The following FUT8 variants were observed in gnomAD, a reference collection of about 807,000 sequenced individuals.
The protein encoded by FUT8 is fucosyltransferase 8.
A neutral mutation model predicts 71.3 loss-of-function variants in FUT8; 29 were observed. The observed-to-expected ratio is 0.41, with a 90% CI of 0.30 to 0.55. The LOEUF (loss-of-function observed/expected upper bound fraction) is 0.55. Among genes scored for constraint, FUT8 ranks in the 20% least tolerant of loss-of-function variants. The pLI is 0.34. For missense variants in FUT8, 544 were observed against 702.1 expected (o/e 0.77, Z 2.55); for synonymous variants, 254 against 239.3 (o/e 1.06, Z -0.57).
chr14:65,694,962 G>A (rs1893914816), intron 7 of FUT8, among the ~76,000 whole-genome samples: 3 of 151,904 alleles, frequency 2.0e-5, no homozygotes, highest in South Asian at 4.2e-4. Flanking sequence ...GTTAATGGGT[G>A]CAGCACACCA....
At chr14:65,383,264 T>TC in the FUT8 span, among the ~76,000 whole-genome samples, 1 of 123,328 alleles carries the variant, frequency 8.1e-6, no homozygotes, top group African/African-American at 3.0e-5. Flanking sequence ...CTTTTTCTTT[T>TC]CTTTTTTTTT....
intron 6 of FUT8, among the ~76,000 whole-genome samples, chr14:65,631,137 G>C (rs756580637): frequency 7.2e-5 from 11 of 152,156 alleles, no homozygotes; most frequent in Non-Finnish European, 1.6e-4. Flanking sequence ...CCTCCTGTAG[G>C]GAAGAGGTAA....
chr14:65,620,809 G>A (rs1889569740), intron 5 of FUT8, among the ~76,000 whole-genome samples: 1 of 152,196 alleles, frequency 6.6e-6, no homozygotes, highest in Non-Finnish European at 1.5e-5. Flanking sequence ...TCAACAAAAT[G>A]TTTTTGTATG....
chr14:65,657,344 A>C (rs917551460), intron 6 of FUT8, among the ~76,000 whole-genome samples: 1 of 152,230 alleles, frequency 6.6e-6, no homozygotes, highest in Non-Finnish European at 1.5e-5. Context: ...AAAGGAAATC[A>C]GTATATTGAA....
the FUT8 span, among the ~76,000 whole-genome samples, chr14:65,400,747 TG>T: frequency 4.0e-4 from 61 of 152,128 alleles, no homozygotes; most frequent in African/African-American, 1.4e-3. Flanking sequence ...TAGCCAGGCT[TG>T]GTGGTGTGCA....
chr14:65,414,551 T>C (rs1566732592), intron 1 of FUT8, among the ~76,000 whole-genome samples: 1 of 152,226 alleles, frequency 6.6e-6, no homozygotes, highest in Non-Finnish European at 1.5e-5. Context: ...GGTATGTGTA[T>C]AGAAAATCTT....
the FUT8 span, among the ~76,000 whole-genome samples, chr14:65,358,650 G>A: frequency 1.6e-4 from 24 of 152,104 alleles, no homozygotes; most frequent in African/African-American, 5.5e-4. Flanking sequence ...GGGTTTCTCC[G>A]TGTCGTCCAG....
rs1890672536 is a variant in FUT8 at position 65,638,425 on chromosome 14, G to A, written c.597+8819G>A. Among the ~76,000 whole-genome samples, 1 of 151,974 alleles carries A rather than the reference G, an allele frequency of 6.6e-6. No individual in the cohort carries two copies. Among genetic ancestry groups the A allele is most frequent in the Non-Finnish European group, 1.5e-5 (1 of 67,992 alleles). ...ATAGGACTTTTACTGGAAATTGGTA[G>A]ATTATTTTTCTTTTTTTTTTGAGAG... On this transcript the variant is annotated intron_variant, in intron 6 of 10. Coordinates refer to ENST00000673929, the MANE Select transcript of FUT8 (RefSeq NM_001371533.1). This position sits in a 1 kb window ranked among gnomAD's most constrained non-coding sequence, Gnocchi z 4.5.
intron 1 of FUT8, among the ~76,000 whole-genome samples, chr14:65,419,822 C>A (rs2065267668): frequency 6.6e-6 from 1 of 152,166 alleles, no homozygotes; most frequent in South Asian, 2.1e-4. Context: ...AACCGACCCC[C>A]TCAACAGCGT....
intron 3 of FUT8, among the ~76,000 whole-genome samples, chr14:65,612,201 T>C (rs1477905393): frequency 1.3e-5 from 2 of 152,354 alleles, no homozygotes; most frequent in Middle Eastern, 6.8e-3. Flanking sequence ...GAAGGTCTTG[T>C]ATAATTTACA....
At chr14:65,704,427 T>G (rs771405910) in intron 7 of FUT8, among the ~76,000 whole-genome samples, 14 of 152,198 alleles carry the variant, frequency 9.2e-5, no homozygotes, top group Admixed American at 5.2e-4. Flanking sequence ...CTTGCCTTCC[T>G]ACTGCTTTCT....
rs2139559730 is a variant in FUT8, at chr14:65,455,779, T to C, written c.-228+61T>C. 3 of 396,726 alleles carry C rather than the reference T, an allele frequency of 7.6e-6. No homozygotes were observed. In the East Asian group the frequency reaches 1.1e-4, roughly 14 times the overall value. 24.6% of individuals were successfully genotyped at this position (396,726 alleles called of 1,614,324 possible). On this transcript the variant is annotated intron_variant, in intron 2 of 10. Coordinates refer to ENST00000673929, the MANE Select transcript of FUT8 (RefSeq NM_001371533.1). ...AATTATATGTTAATATTTTGAGAAA[T>C]AGATAATTTTGTGGTTAAAGCTACA... is the stretch of plus-strand genomic sequence containing the variant.
At chr14:65,705,461 C>T (rs966365958) in intron 7 of FUT8, among the ~76,000 whole-genome samples, 2 of 152,180 alleles carry the variant, frequency 1.3e-5, no homozygotes, top group Non-Finnish European at 2.9e-5. Flanking sequence ...AAAAAGCTCC[C>T]TCATCCCTCT....
chr14:65,510,635 T>C (rs1434755456), intron 2 of FUT8, among the ~76,000 whole-genome samples: 2 of 152,160 alleles, frequency 1.3e-5, no homozygotes, highest in Non-Finnish European at 2.9e-5. Context: ...GTTTTGGATT[T>C]CTTCATGTTT....
At chr14:65,537,162 G>T (rs1242078846) in intron 2 of FUT8, among the ~76,000 whole-genome samples, 1 of 150,942 alleles carries the variant, frequency 6.6e-6, no homozygotes, top group African/African-American at 2.4e-5. Context: ...TCATTTTATT[G>T]TGCTTCTTAG....
chr14:65,523,335 C>T (rs1043447706), intron 2 of FUT8, among the ~76,000 whole-genome samples: 16 of 152,194 alleles, frequency 1.1e-4, no homozygotes, highest in Non-Finnish European at 1.6e-4. Flanking sequence ...TGATGATGAG[C>T]ATTTTTTCAT....
At chr14:65,732,558 T>C (rs2139385844) in intron 9 of FUT8, among the ~76,000 whole-genome samples, 1 of 152,328 alleles carries the variant, frequency 6.6e-6, no homozygotes, top group African/African-American at 2.4e-5. Flanking sequence ...GTATGAATAC[T>C]TTTAAACACA....
At chr14:65,469,729 T>C (rs1207582280) in intron 2 of FUT8, among the ~76,000 whole-genome samples, 1 of 152,144 alleles carries the variant, frequency 6.6e-6, no homozygotes, top group Non-Finnish European at 1.5e-5. Flanking sequence ...CAGGTCCCCA[T>C]TGACTTCCCA....
chr14:65,589,182 A>G (rs1177986978), intron 3 of FUT8, among the ~76,000 whole-genome samples: 3 of 152,168 alleles, frequency 2.0e-5, no homozygotes, highest in Non-Finnish European at 4.4e-5. Flanking sequence ...TTTACATGTA[A>G]TCTAGGTAGA....
Sources: allele counts gnomAD v4.1 joint callset (sites outside exome capture counted in the v4.1 genomes callset), GRCh38; gene constraint gnomAD v4.1.1; non-coding constraint Gnocchi (gnomAD v3.1); transcripts MANE v1.5; gene names NCBI Gene and HGNC (gene_info 2026-07-23, HGNC 2026-07-21).